The following KASH5 variants were observed in gnomAD, a reference collection of about 807,000 sequenced individuals.
KASH5 encodes protein KASH5.
A neutral mutation model predicts 84.2 loss-of-function variants in KASH5; 72 were observed. The observed-to-expected ratio is 0.85, with a 90% CI of 0.71 to 1.04. KASH5 has a LOEUF of 1.04. Among genes scored for constraint, KASH5 ranks in the 50% least tolerant of loss-of-function variants. KASH5 has a pLI of 0.00. For missense variants in KASH5, 650 were observed against 701.0 expected, an observed-to-expected ratio of 0.93 and a Z score of 0.82; for synonymous variants, 260 against 279.1, an observed-to-expected ratio of 0.93 and a Z score of 0.68.
chr19:49,399,476 T>G lies in KASH5; in HGVS notation c.767T>G (p.Leu256Arg). 6.2e-7 allele frequency: 1 copy of G among 1,611,626 alleles called. No homozygotes were observed. The highest frequency in any genetic ancestry group is 1.1e-5 in the South Asian group (1 of 90,258). ...ARQAEKEQQH[L>R]VAEMETLQEE... Reference sequence around the variant, plus strand: ...GGTCAGGAAAAGGAGCAGCAGCATCTGGTGGCTGAGATGGAGACTCTGCAG... The same window carrying G: ...GGTCAGGAAAAGGAGCAGCAGCATCGGGTGGCTGAGATGGAGACTCTGCAG... The change falls in exon 9 of 20, where the codon CTG becomes CGG. Residue 256 changes from leucine to arginine, a missense_variant. Transcript: ENST00000447857. This position sits in a 1 kb window ranked among gnomAD's most constrained non-coding sequence, Gnocchi z 4.4.
rs1481899759 is a variant in KASH5 at position 49,414,546 on chromosome 19, G to C, written c.1329-405G>C. Among the ~76,000 whole-genome samples, 1 of 152,248 alleles carries C rather than the reference G, an allele frequency of 6.6e-6. No individual in the cohort carries two copies. Among genetic ancestry groups the C allele is most frequent in the African/African-American group, 2.4e-5 (1 of 41,536 alleles). ...CAGAAGCCTCAGTTCCCAGCTGGGG[G>C]ATCTGCTGGGGAAGTAGTGGCTGAG... On this transcript the variant is annotated intron_variant, in intron 16 of 19. Transcript: ENST00000447857. This position sits in a 1 kb window ranked among gnomAD's most constrained non-coding sequence, Gnocchi z 4.5.
intron 9 of KASH5, among the ~76,000 whole-genome samples, chr19:49,402,768 A>G (rs1015064919): frequency 5.3e-5 from 8 of 152,230 alleles, no homozygotes; most frequent in African/African-American, 1.9e-4. Context: ...TTCCTGCCTT[A>G]CAGTTCATTG....
At chr19:49,415,159 T>C (rs956731207) in intron 17 of KASH5, 163 bp downstream of exon 17, 2 of 733,464 alleles carry the variant, frequency 2.7e-6, no homozygotes, top group Admixed American at 2.3e-5. Context: ...CTGTAGCTAA[T>C]GAGAGCGATG....
At position 49,417,296 on chromosome 19, in the gene KASH5, G is replaced by T; in HGVS notation, c.1547+30G>T. On this transcript the variant is annotated intron_variant, in intron 19 of 19. Transcript: ENST00000447857. The surrounding 1 kb of genome is among the most constrained non-coding windows in gnomAD (Gnocchi z 5.2). The stretch of plus-strand genomic sequence containing the variant: ...GCCCCCAGGCGTCTCCAGAAGGAAG[G>T]AGGTGGTCTGACATTGGGAAGAGCA... The T allele has an allele frequency of 6.3e-7, 1 of 1,597,970 alleles. No individual in the cohort carries two copies. The highest frequency in any genetic ancestry group is 1.1e-5 in the South Asian group (1 of 88,738).
intron 10 of KASH5, 110 bp from the exon 11 acceptor site, chr19:49,407,130 C>A: frequency 1.4e-6 from 2 of 1,392,106 alleles, no homozygotes; most frequent in Non-Finnish European, 2.0e-6. Context: ...TGGAACATCT[C>A]AGGAGGCTGA....
chr19:49,390,751 G>C (rs991415738), intron 1 of KASH5, 38 bp from the exon 2 acceptor site: 20 of 1,011,330 alleles, frequency 2.0e-5, no homozygotes, highest in Non-Finnish European at 2.6e-5. Flanking sequence ...ACCCTTGGTG[G>C]CTGCTCTGAG....
At chr19:49,401,363 C>T (rs1974355232) in intron 9 of KASH5, among the ~76,000 whole-genome samples, 1 of 152,308 alleles carries the variant, frequency 6.6e-6, no homozygotes, top group Non-Finnish European at 1.5e-5. Flanking sequence ...TCTCCCTGAG[C>T]TGTTAGCAAA....
rs200954028 is a variant in KASH5, at chr19:49,417,556, C to T, written c.*46C>T. 5,102 of 1,473,366 alleles carry T rather than the reference C, an allele frequency of 3.5e-3. 21 individuals are homozygous for T. Among genetic ancestry groups the T allele is most frequent in the South Asian group, 7.7e-3 (571 of 73,766 alleles). The allele number at this position is 1,473,366 out of a possible 1,614,324, so 91.3% of individuals were successfully genotyped here. A position where few individuals can be genotyped will look rare whatever the true frequency, so the allele number is the denominator to read the frequency against. Reference sequence around the variant, plus strand: ...GAGCAGTGTCTAGCTCAATAAATCCCCTGGCCCTCTCTCCACTGGGATCCC... The same window carrying T: ...GAGCAGTGTCTAGCTCAATAAATCCTCTGGCCCTCTCTCCACTGGGATCCC... On this transcript the variant is annotated 3_prime_UTR_variant, in exon 20 of 20. Transcript: ENST00000447857. The surrounding 1 kb of genome is among the most constrained non-coding windows in gnomAD (Gnocchi z 5.2).
chr19:49,397,874 T>A, intron 6 of KASH5, 108 bp from the exon 7 acceptor site: 3 of 1,454,026 alleles, frequency 2.1e-6, no homozygotes, highest in Non-Finnish European at 2.8e-6. Context: ...CTCTCCTGTT[T>A]ATCTTTCCCC....
At position 49,407,619 on chromosome 19, in the gene KASH5, G is replaced by A. The variant is rs761466065; in HGVS notation, c.941G>A (p.Arg314His). The part of the protein sequence containing the change: ...QRDTILSERT[R>H]DVESLAQTLE... ...GGCTTTCGGCTTTCCTAGCGCACTCGCGATGTGGAGAGCCTGGCCCAGACC... is the reference window on the plus strand; with the variant it reads ...GGCTTTCGGCTTTCCTAGCGCACTCACGATGTGGAGAGCCTGGCCCAGACC... The change falls in exon 12 of 20, where the codon CGC (arginine) becomes CAC (histidine). Residue 314 changes from arginine to histidine, a missense_variant. Physicochemically the swap from Arg to His is conservative, Grantham distance 29. Coordinates refer to ENST00000447857, the MANE Select transcript of KASH5 (RefSeq NM_144688.5). 31 of 1,596,960 alleles carry A rather than the reference G, an allele frequency of 1.9e-5. No individual in the cohort carries two copies. Among genetic ancestry groups the A allele is most frequent in the African/African-American group, 2.7e-5 (2 of 74,468 alleles).
In KASH5 at chr19:49,409,224, G is replaced by C. The variant is rs1304617458; in HGVS notation, c.1087G>C (p.Val363Leu). The C allele has an allele frequency of 1.2e-6, 2 of 1,613,966 alleles. No individual in the cohort carries two copies. Among genetic ancestry groups the C allele is most frequent in the South Asian group, 2.2e-5 (2 of 91,076 alleles). ...ACCTGAAGGGGCCCAGCTGAGAAGA[G>C]TGGGCTGGACCGAGCTGCTACCCCC... is the stretch of plus-strand genomic sequence containing the variant. The part of the protein sequence containing the change: ...ELPEGAQLRR[V>L]GWTELLPPSL... The change falls in exon 14 of 20, where the codon GTG (valine) becomes CTG (leucine). Residue 363 changes from valine to leucine, a missense_variant. Coordinates refer to ENST00000447857, the MANE Select transcript of KASH5 (RefSeq NM_144688.5).
At chr19:49,404,775 G>A (rs1479075554) in intron 9 of KASH5, among the ~76,000 whole-genome samples, 2 of 152,130 alleles carry the variant, frequency 1.3e-5, no homozygotes, top group Non-Finnish European at 2.9e-5. Flanking sequence ...ACTATTAATA[G>A]GGCAACCAGA....
chr19:49,413,170 G>C lies in KASH5; in HGVS notation c.1328+144G>C. ...TCTTCCGGGAGCAGAACCTGGGCCT[G>C]TAGGCCAGGAGATGAGGCCTGGCCC... On this transcript the variant is annotated intron_variant, in intron 16 of 19. Transcript: ENST00000447857. The C allele has an allele frequency of 5.0e-6, 4 of 804,518 alleles. No homozygotes were observed. In the South Asian group the frequency reaches 6.8e-5, roughly 14 times the overall value. The allele number at this position is 804,518 out of a possible 1,614,324, so 49.8% of individuals were successfully genotyped here. A position where few individuals can be genotyped will look rare whatever the true frequency, so the allele number is the denominator to read the frequency against.
Position 49,416,008 on chromosome 19 carries a change from T to G in KASH5, c.1375-1007T>G, listed in dbSNP as rs1049654287. Among the ~76,000 whole-genome samples, 1 of 152,188 alleles carries G rather than the reference T, an allele frequency of 6.6e-6. No individual in the cohort carries two copies. The highest frequency in any genetic ancestry group is 1.5e-5 in the Non-Finnish European group (1 of 68,032). ...ATGAGGCGGTGCAGTGGGTGGGGCCTGGCCCTGGAGGAACAGCTGGGGCTT... is the reference window on the plus strand; with the variant it reads ...ATGAGGCGGTGCAGTGGGTGGGGCCGGGCCCTGGAGGAACAGCTGGGGCTT... On this transcript the variant is annotated intron_variant, in intron 17 of 19. Transcript: ENST00000447857. This position sits in a 1 kb window ranked among gnomAD's most constrained non-coding sequence, Gnocchi z 5.4.
rs1409953630 is a variant in KASH5 at position 49,414,969 on chromosome 19, A to AGAGGAGGAT, written c.1349_1357dup (p.Glu450_Asp452dup). 1 of 1,612,974 alleles carries AGAGGAGGAT rather than the reference A, an allele frequency of 6.2e-7. No homozygotes were observed. Among genetic ancestry groups the AGAGGAGGAT allele is most frequent in the Non-Finnish European group, 8.5e-7 (1 of 1,179,620 alleles). On this transcript the variant is annotated inframe_insertion, in exon 17 of 20. Coordinates refer to ENST00000447857, the MANE Select transcript of KASH5 (RefSeq NM_144688.5). This position sits in a 1 kb window ranked among gnomAD's most constrained non-coding sequence, Gnocchi z 4.5. ...CCCTCAGGTTGACCAGAAGAGAGGA[A>AGAGGAGGAT]GAGGAGGATGCAGAGAGCCAGGTCA...
At chr19:49,412,000 T>TA (rs894838365) in intron 15 of KASH5, among the ~76,000 whole-genome samples, 1 of 151,714 alleles carries the variant, frequency 6.6e-6, no homozygotes, top group African/African-American at 2.4e-5. Context: ...TTTGAGGCAC[T>TA]AGCACAGCCT....
intron 9 of KASH5, among the ~76,000 whole-genome samples, chr19:49,405,504 A>G (rs968592441): frequency 6.6e-6 from 1 of 151,694 alleles, no homozygotes; most frequent in African/African-American, 2.4e-5. Flanking sequence ...ACTTTCTAGT[A>G]TGAGATGATA....
intron 2 of KASH5, chr19:49,391,914 C>CCAGG (rs1974016004): frequency 6.6e-6 from 1 of 152,238 alleles, no homozygotes; most frequent in Non-Finnish European, 1.5e-5. Flanking sequence ...TTAGAGGCTC[C>CCAGG]CAGGCATCCA....
At chr19:49,400,366 TTC>T (rs1381497111) in intron 9 of KASH5, among the ~76,000 whole-genome samples, 1 of 144,398 alleles carries the variant, frequency 6.9e-6, no homozygotes, top group Non-Finnish European at 1.5e-5. Context: ...TTTTTTTTTT[TTC>T]TTTTTTTTTT....
Sources: allele counts gnomAD v4.1 joint callset (sites outside exome capture counted in the v4.1 genomes callset), GRCh38; gene constraint gnomAD v4.1.1; non-coding constraint Gnocchi (gnomAD v3.1); transcripts MANE v1.5; gene names NCBI Gene and HGNC (gene_info 2026-07-23, HGNC 2026-07-21).